CACNA1E: variants seen among roughly 807,000 people sequenced by gnomAD.
CACNA1E encodes calcium voltage-gated channel subunit alpha1 E.
A neutral mutation model predicts 259.2 loss-of-function variants in CACNA1E; 40 were observed. The observed-to-expected ratio is 0.15, with a 90% CI of 0.12 to 0.20. The LOEUF is 0.20. Ranked by LOEUF, CACNA1E falls within the 10% of genes least tolerant of loss-of-function variation. CACNA1E has a pLI of 1.00. For synonymous variants in CACNA1E, 1,104 were observed against 1,138.5 expected (o/e 0.97, Z 0.61); for missense variants, 1,874 against 3,040.1 (o/e 0.62, Z 9.02).
intron 43 of CACNA1E, among the ~76,000 whole-genome samples, chr1:181,787,859 G>A (rs1411096036): frequency 2.0e-5 from 3 of 152,200 alleles, no homozygotes; most frequent in Non-Finnish European, 4.4e-5. Context: ...TTGGAGCATG[G>A]AGAGCTCAGG....
intron 6 of CACNA1E, among the ~76,000 whole-genome samples, chr1:181,585,996 T>C (rs1652021399): frequency 6.6e-6 from 1 of 152,046 alleles, no homozygotes; most frequent in Non-Finnish European, 1.5e-5. Flanking sequence ...CCTCCTTTGG[T>C]AGAGCAAAAG....
chr1:181,546,679 C>G (rs1647511663), intron 3 of CACNA1E, among the ~76,000 whole-genome samples: 1 of 152,206 alleles, frequency 6.6e-6, no homozygotes, highest in African/African-American at 2.4e-5. Context: ...ATAAACACAC[C>G]CTCTTCTCTA....
chr1:181,371,153 T>C (rs1654683024), intron 1 of CACNA1E, among the ~76,000 whole-genome samples: 1 of 152,248 alleles, frequency 6.6e-6, no homozygotes, highest in Non-Finnish European at 1.5e-5. Flanking sequence ...AAATTCCTTA[T>C]AGATTCTGAA....
rs560064797 is a variant in CACNA1E at position 181,781,532 on chromosome 1, C to T, written c.5364+9C>T. ...CCAAAGTGGCATATAAGGTAGACCACCCCTTCCTTTGCTCTGGGCTACAGA... is the reference window on the plus strand; with the variant it reads ...CCAAAGTGGCATATAAGGTAGACCATCCCTTCCTTTGCTCTGGGCTACAGA... On this transcript the variant is annotated intron_variant, in intron 39 of 47. Transcript: ENST00000367573. 5 of 1,411,682 alleles carry T rather than the reference C, an allele frequency of 3.5e-6. No individual in the cohort carries two copies. In the African/African-American group the frequency reaches 7.0e-5, roughly 20 times the overall value. 87.4% of individuals were successfully genotyped at this position (1,411,682 alleles called of 1,614,324 possible). A position where few individuals can be genotyped will look rare whatever the true frequency, so the allele number is the denominator to read the frequency against.
In CACNA1E at chr1:181,798,531, T is replaced by C; in HGVS notation, c.6639T>C (p.Ser2213=). The C allele has an allele frequency of 6.2e-7, 1 of 1,613,752 alleles. No homozygotes were observed. Among genetic ancestry groups the C allele is most frequent in the Non-Finnish European group, 8.5e-7 (1 of 1,179,884 alleles). ...NNACLTESSN[S]PHPQQSQHAS... The stretch of plus-strand genomic sequence containing the variant: ...CTTGCCTGACCGAGTCTTCCAACTC[T>C]CCGCACCCCCAGCAGAGCCAACATG... Residue 2213 remains serine, a synonymous_variant, in exon 48 of 48, where the codon TCT becomes TCC. Transcript: ENST00000367573. This position sits in a 1 kb window ranked among gnomAD's most constrained non-coding sequence, Gnocchi z 4.2.
At position 181,732,402 on chromosome 1, in the gene CACNA1E, G is replaced by A; in HGVS notation, c.2316G>A (p.Arg772=). The change falls in exon 20 of 48, where the codon CGG becomes CGA. Residue 772 remains arginine, a synonymous_variant. Transcript: ENST00000367573. This position sits in a 1 kb window ranked among gnomAD's most constrained non-coding sequence, Gnocchi z 5.5. ...TTGGCAGGAGGGAGCGGAGGCGCCG[G>A]CACCACATGTCCGTGTGGGAGCAGC... ...RSSHLRERRR[R]HHMSVWEQRT... The A allele has an allele frequency of 6.5e-7, 1 of 1,533,606 alleles. No homozygotes were observed. Among genetic ancestry groups the A allele is most frequent in the South Asian group, 1.2e-5 (1 of 80,674 alleles). The allele number at this position is 1,533,606 out of a possible 1,614,324, so 95.0% of individuals were successfully genotyped here.
At position 181,472,887 on chromosome 1, in the gene CACNA1E, C is replaced by T. The variant is rs567142948; in HGVS notation, c.435-10857C>T. Among the ~76,000 whole-genome samples the T allele has an allele frequency of 4.6e-5, 7 of 152,224 alleles. No homozygotes were observed. The South Asian group carries it at 1.2e-3, about 27-fold the overall frequency. On this transcript the variant is annotated intron_variant, in intron 2 of 11. Transcript: ENST00000524607. ...AAAAATAACCTGAACATTATAGACT[C>T]CTGTGAATTCTACAGCCCAGAGCAC...
At position 181,471,295 on chromosome 1, in the gene CACNA1E, G is replaced by C. The variant is rs150035105; in HGVS notation, c.435-12449G>C. 1.1e-3 allele frequency among the ~76,000 whole-genome samples: 166 copies of C among 152,334 alleles called. No homozygotes were observed. In the East Asian group the frequency reaches 0.03, roughly 27 times the overall value. The stretch of plus-strand genomic sequence containing the variant: ...ATGCAAACATTCAAACCATAGCAAA[G>C]GGCAGTAGTAAGATGTAGTCTCTGG... On this transcript the variant is annotated intron_variant, in intron 2 of 11. Coordinates refer to the CACNA1E transcript ENST00000524607.
intron 1 of CACNA1E, among the ~76,000 whole-genome samples, chr1:181,388,628 C>T (rs1656029693): frequency 6.6e-6 from 1 of 152,174 alleles, no homozygotes; most frequent in African/African-American, 2.4e-5. Context: ...GTGACTCACG[C>T]TTGTAATCCC....
At chr1:181,559,814 A>C (rs971107276) in intron 3 of CACNA1E, among the ~76,000 whole-genome samples, 1 of 152,152 alleles carries the variant, frequency 6.6e-6, no homozygotes, top group Admixed American at 6.5e-5. Context: ...ACAGAGATGC[A>C]GGGAAGAGCT....
At chr1:181,691,701 C>T (rs1651175608) in intron 7 of CACNA1E, among the ~76,000 whole-genome samples, 1 of 152,184 alleles carries the variant, frequency 6.6e-6, no homozygotes, top group Non-Finnish European at 1.5e-5. Context: ...GACAAACTCA[C>T]AGCCAACATC....
At chr1:181,384,140 C>G (rs149484861) in intron 1 of CACNA1E, among the ~76,000 whole-genome samples, 1 of 152,298 alleles carries the variant, frequency 6.6e-6, no homozygotes, top group Non-Finnish European at 1.5e-5. Flanking sequence ...GATTCTGGTT[C>G]CTGGGTGACT....
rs3766986 is a variant in CACNA1E at position 181,685,719 on chromosome 1, A to G, written c.1056-25235A>G. ...TGGTGGGGAAAGCACAAACAGACCTATTGTTAAGGCACACTCTCAAACTTT... is the reference window on the plus strand; with the variant it reads ...TGGTGGGGAAAGCACAAACAGACCTGTTGTTAAGGCACACTCTCAAACTTT... On this transcript the variant is annotated intron_variant, in intron 7 of 47. Transcript: ENST00000367573. Among the ~76,000 whole-genome samples, 116 of 152,228 alleles carry G rather than the reference A, an allele frequency of 7.6e-4. No individual in the cohort carries two copies. In the East Asian group the frequency reaches 0.021, roughly 27 times the overall value.
At chr1:181,431,919 G>T (rs1226153857) in intron 2 of CACNA1E, among the ~76,000 whole-genome samples, 1 of 152,190 alleles carries the variant, frequency 6.6e-6, no homozygotes, top group Non-Finnish European at 1.5e-5. Context: ...ATTACAGCAA[G>T]TCAGGAGGAG....
chr1:181,570,468 G>T (rs1468588176), intron 3 of CACNA1E, among the ~76,000 whole-genome samples: 1 of 152,194 alleles, frequency 6.6e-6, no homozygotes, highest in Non-Finnish European at 1.5e-5. Context: ...TATAGCTTCT[G>T]TAACAAATGA....
chr1:181,625,045 ATCTTT>A (rs1558197910), intron 6 of CACNA1E, among the ~76,000 whole-genome samples: 4 of 95,106 alleles, frequency 4.2e-5, no homozygotes, highest in South Asian at 4.0e-4. Context: ...TTTGAAAGGA[ATCTTT>A]TTTTTTTTTT....
At chr1:181,534,921 G>C (rs1026843917) in intron 3 of CACNA1E, among the ~76,000 whole-genome samples, 5 of 152,040 alleles carry the variant, frequency 3.3e-5, no homozygotes, top group African/African-American at 1.2e-4. Context: ...AAATGACTAA[G>C]CTAAGTAAAA....
chr1:181,626,275 G>C (rs1434851876), intron 6 of CACNA1E, among the ~76,000 whole-genome samples: 11 of 152,136 alleles, frequency 7.2e-5, no homozygotes. Flanking sequence ...TTAGACTCAG[G>C]GTTGTAAAAA....
At chr1:181,437,881 C>G (rs761401646) in intron 2 of CACNA1E, among the ~76,000 whole-genome samples, 2 of 152,162 alleles carry the variant, frequency 1.3e-5, no homozygotes, top group South Asian at 2.1e-4. Flanking sequence ...ATAGATTCAG[C>G]CTTCATCTCT....
Sources: gnomAD v4.1 joint callset for allele counts (sites outside exome capture counted in the v4.1 genomes callset) on GRCh38, gnomAD v4.1.1 for gene constraint, Gnocchi (gnomAD v3.1) non-coding constraint, MANE v1.5 for transcripts, NCBI Gene and HGNC (gene_info 2026-07-23, HGNC 2026-07-21) for gene names.